The following FNBP1L variants were observed in gnomAD, a reference collection of about 807,000 sequenced individuals.
FNBP1L encodes the protein formin-binding protein 1-like.
A neutral mutation model predicts 91.2 loss-of-function variants in FNBP1L; 36 were observed. The ratio of observed to expected loss-of-function variants is 0.39; its 90% CI spans 0.30 to 0.52. FNBP1L has a LOEUF of 0.52. Ranked by LOEUF, FNBP1L falls within the 20% of genes least tolerant of loss-of-function variation. The pLI, the probability that FNBP1L is intolerant of heterozygous loss-of-function variation, is 0.66. For synonymous variants in FNBP1L, 242 were observed against 237.0 expected (o/e 1.02, Z -0.19); for missense variants, 571 against 732.1 (o/e 0.78, Z 2.54).
intron 1 of FNBP1L, among the ~76,000 whole-genome samples, chr1:93,471,277 T>C (rs1432533426): frequency 6.6e-6 from 1 of 152,264 alleles, no homozygotes; most frequent in Non-Finnish European, 1.5e-5. Context: ...GATTTTGGAA[T>C]GTTTCAGATT....
chr1:93,533,080 A>C lies in FNBP1L; in HGVS notation c.786+12A>C. On this transcript the variant is annotated intron_variant, in intron 8 of 16. Transcript: ENST00000271234. ...TTGATGAAAGAAGAGTAAGTGCTAA[A>C]TAATTATCTTTGAATGCATCTGTTT... 6.4e-7 allele frequency: 1 copy of C among 1,567,868 alleles called. No individual in the cohort carries two copies.
At chr1:93,505,294 C>T (rs1670573077) in intron 2 of FNBP1L, among the ~76,000 whole-genome samples, 1 of 151,978 alleles carries the variant, frequency 6.6e-6, no homozygotes, top group South Asian at 2.1e-4. Context: ...ATTTTTACTT[C>T]CTGCAGAAAG....
At chr1:93,476,569 T>C (rs771553753) in intron 1 of FNBP1L, among the ~76,000 whole-genome samples, 2 of 152,064 alleles carry the variant, frequency 1.3e-5, no homozygotes, top group Non-Finnish European at 2.9e-5. Context: ...GAGGGGTAAG[T>C]AAGTAAAATT....
At chr1:93,458,078 C>T (rs750079673) in intron 1 of FNBP1L, among the ~76,000 whole-genome samples, 20 of 152,174 alleles carry the variant, frequency 1.3e-4, no homozygotes, top group Non-Finnish European at 2.2e-4. Flanking sequence ...GCGTGAGCCA[C>T]GACGCCCGGC....
intron 2 of FNBP1L, among the ~76,000 whole-genome samples, chr1:93,511,832 G>C (rs1198812783): frequency 2.7e-5 from 4 of 150,916 alleles, no homozygotes; most frequent in Non-Finnish European, 4.5e-5. Flanking sequence ...CGGGCGTAGT[G>C]GCGGGCGCCT....
Position 93,530,878 on chromosome 1 carries a change from T to C in FNBP1L, c.634T>C (p.Tyr212His). ...TTTTTATGTAGTGATTCCTCAGATT[T>C]ACAAGGTAAATCTTAGATATGAAGT... ...KHFYVVIPQIYKQLQEMDERR... is the reference protein window; with the variant it reads ...KHFYVVIPQIHKQLQEMDERR... The change falls in exon 7 of 17, where the codon TAC becomes CAC. Residue 212 changes from tyrosine to histidine, a missense_variant. Physicochemically the swap from Tyr to His is moderately conservative, Grantham distance 83. Coordinates refer to ENST00000271234, the MANE Select transcript of FNBP1L (RefSeq NM_001164473.3). 1 of 1,535,738 alleles carries C rather than the reference T, an allele frequency of 6.5e-7. No homozygotes were observed. The highest frequency in any genetic ancestry group is 8.8e-7 in the Non-Finnish European group (1 of 1,137,492).
intron 1 of FNBP1L, among the ~76,000 whole-genome samples, chr1:93,473,685 A>C (rs1196343616): frequency 6.6e-6 from 1 of 152,208 alleles, no homozygotes; most frequent in East Asian, 1.9e-4. Flanking sequence ...CATTTGTATT[A>C]GTCTGTGGTC....
At chr1:93,481,897 C>T (rs577497126) in intron 1 of FNBP1L, among the ~76,000 whole-genome samples, 35 of 152,112 alleles carry the variant, frequency 2.3e-4, no homozygotes, top group Non-Finnish European at 4.4e-4. Flanking sequence ...CAGTGGCTCA[C>T]ACCTGTAATC....
chr1:93,456,484 A>G (rs1023520898), intron 1 of FNBP1L, among the ~76,000 whole-genome samples: 1 of 151,876 alleles, frequency 6.6e-6, no homozygotes, highest in African/African-American at 2.4e-5. Flanking sequence ...ATTTATAGAA[A>G]AGGAGCCAGG....
intron 1 of FNBP1L, among the ~76,000 whole-genome samples, chr1:93,496,882 G>A (rs367801736): frequency 1.3e-5 from 2 of 152,104 alleles, no homozygotes; most frequent in East Asian, 3.9e-4. Context: ...CCAGAATAAT[G>A]TTCGACCAAG....
chr1:93,513,601 A>G (rs1199384620), intron 2 of FNBP1L, among the ~76,000 whole-genome samples: 1 of 151,712 alleles, frequency 6.6e-6, no homozygotes, highest in Non-Finnish European at 1.5e-5. Flanking sequence ...CCTGGGATGC[A>G]AGGCTGGTTC....
Position 93,552,948 on chromosome 1 carries a change from C to T in FNBP1L, c.*532C>T, listed in dbSNP as rs972108229. 5 of 152,456 alleles carry T rather than the reference C, an allele frequency of 3.3e-5. No individual in the cohort carries two copies. Among genetic ancestry groups the T allele is most frequent in the African/African-American group, 1.2e-4 (5 of 41,450 alleles). 9.4% of individuals were successfully genotyped at this position (152,456 alleles called of 1,614,324 possible). A position where few individuals can be genotyped will look rare whatever the true frequency, so the allele number is the denominator to read the frequency against. On this transcript the variant is annotated 3_prime_UTR_variant, in exon 17 of 17. Transcript: ENST00000271234. ...CTTGTCAAAGCCTTGTTTTGTTTTACATTTGTAGTGCAAATCACTTTGTCA... is the reference window on the plus strand; with the variant it reads ...CTTGTCAAAGCCTTGTTTTGTTTTATATTTGTAGTGCAAATCACTTTGTCA...
intron 2 of FNBP1L, among the ~76,000 whole-genome samples, chr1:93,502,006 T>A (rs1670454641): frequency 6.6e-6 from 1 of 152,074 alleles, no homozygotes; most frequent in Admixed American, 6.5e-5. Context: ...TGAAAAAGAC[T>A]GTGGTAGATA....
intron 1 of FNBP1L, among the ~76,000 whole-genome samples, chr1:93,466,129 A>G (rs972820314): frequency 2.6e-5 from 4 of 151,956 alleles, no homozygotes; most frequent in African/African-American, 9.7e-5. Flanking sequence ...AGATTGCAAA[A>G]ATTTTCTCCC....
At chr1:93,525,900 A>G (rs1227072064) in intron 5 of FNBP1L, among the ~76,000 whole-genome samples, 1 of 152,120 alleles carries the variant, frequency 6.6e-6, no homozygotes, top group Non-Finnish European at 1.5e-5. Flanking sequence ...AACCAATATA[A>G]TTTCTGTTTA....
chr1:93,494,418 A>AAATCATT (rs1670197678), intron 1 of FNBP1L, among the ~76,000 whole-genome samples: 1 of 152,162 alleles, frequency 6.6e-6, no homozygotes, highest in Non-Finnish European at 1.5e-5. Flanking sequence ...ATGATTGATT[A>AAATCATT]AATCATTAAT....
chr1:93,468,302 G>A (rs371674521), intron 1 of FNBP1L, among the ~76,000 whole-genome samples: 1 of 151,762 alleles, frequency 6.6e-6, no homozygotes, highest in African/African-American at 2.4e-5. Context: ...TTTTTTAACT[G>A]AATAATATTC....
intron 1 of FNBP1L, among the ~76,000 whole-genome samples, chr1:93,475,457 T>C (rs1004097805): frequency 5.3e-5 from 8 of 152,102 alleles, no homozygotes; most frequent in African/African-American, 1.9e-4. Flanking sequence ...GAGGATCACT[T>C]GAGCCTGGGA....
At chr1:93,549,675 A>G (rs552402058) in intron 15 of FNBP1L, among the ~76,000 whole-genome samples, 59 of 152,346 alleles carry the variant, frequency 3.9e-4, no homozygotes, top group Non-Finnish European at 6.0e-4. Context: ...TTAATTATCA[A>G]TTTTGGTCAG....
Sources: allele counts gnomAD v4.1 joint callset (sites outside exome capture counted in the v4.1 genomes callset), GRCh38; gene constraint gnomAD v4.1.1; transcripts MANE v1.5; gene names NCBI Gene and HGNC (gene_info 2026-07-23, HGNC 2026-07-21).